Variants in PLPPR1 observed in about 807,000 individuals in gnomAD.
PLPPR1 encodes the protein phospholipid phosphatase related 1.
PLPPR1 carries 10 observed loss-of-function variants against 33.1 expected under a neutral mutation model. The observed-to-expected ratio is 0.30, with a 90% CI of 0.19 to 0.51. The LOEUF (loss-of-function observed/expected upper bound fraction) is 0.51. Ranked by LOEUF, PLPPR1 falls within the 20% of genes least tolerant of loss-of-function variation. The probability of loss-of-function intolerance (pLI) is 0.97; values close to 1 mark genes in which losing one functional copy is unlikely to be tolerated. For synonymous variants in PLPPR1, 151 were observed against 151.0 expected (o/e 1.00, Z 0.00); for missense variants, 304 against 408.1 (o/e 0.74, Z 2.20).
intron 2 of PLPPR1, among the ~76,000 whole-genome samples, chr9:101,238,198 CCCTATATATAT>C (rs1388418621): frequency 1.5e-5 from 2 of 133,054 alleles, no homozygotes; most frequent in African/African-American, 5.5e-5. Flanking sequence ...TATATATATA[CCCTATATATAT>C]ACCTATATAT....
chr9:101,051,499 G>T (rs1220587862), intron 1 of PLPPR1, among the ~76,000 whole-genome samples: 1 of 152,078 alleles, frequency 6.6e-6, no homozygotes, highest in Non-Finnish European at 1.5e-5. Context: ...CCACTAGCAT[G>T]CCCCACATAT....
chr9:101,039,066 A>G (rs1358421225), intron 1 of PLPPR1, among the ~76,000 whole-genome samples: 8 of 152,188 alleles, frequency 5.3e-5, no homozygotes, highest in Non-Finnish European at 1.5e-5. Flanking sequence ...GCTAATTTTA[A>G]TCAAGTCATG....
intron 1 of PLPPR1, chr9:101,184,914 G>A (rs10121939): frequency 6.6e-6 from 1 of 151,872 alleles, no homozygotes; most frequent in Non-Finnish European, 1.5e-5. Context: ...TTAACCTGAA[G>A]TTGTTCATGG....
At chr9:101,162,125 T>G (rs1831785159) in intron 1 of PLPPR1, among the ~76,000 whole-genome samples, 1 of 151,454 alleles carries the variant, frequency 6.6e-6, no homozygotes, top group African/African-American at 2.4e-5. Flanking sequence ...AAAAAGATAA[T>G]ATTATTTTTA....
intron 1 of PLPPR1, among the ~76,000 whole-genome samples, chr9:101,127,368 T>G (rs1267744503): frequency 6.6e-6 from 1 of 152,200 alleles, no homozygotes; most frequent in Non-Finnish European, 1.5e-5. Context: ...AGAAGTAAAG[T>G]GGGACCAGGG....
At chr9:101,200,913 C>T (rs980012293) in intron 2 of PLPPR1, among the ~76,000 whole-genome samples, 3 of 152,122 alleles carry the variant, frequency 2.0e-5, no homozygotes, top group Non-Finnish European at 4.4e-5. Context: ...TTATTAGACC[C>T]AATTTCCCAA....
At chr9:101,108,134 A>AGACC (rs1438976578) in intron 1 of PLPPR1, among the ~76,000 whole-genome samples, 2 of 146,832 alleles carry the variant, frequency 1.4e-5, no homozygotes, top group African/African-American at 5.3e-5. Context: ...TGGGAGCTGT[A>AGACC]GACCGGAGCT....
rs573332323 is a variant in PLPPR1 at position 101,125,700 on chromosome 9, C to A, written c.-45-59750C>A. The A allele has an allele frequency of 1.1e-5, 7 of 623,462 alleles. No homozygotes were observed. The East Asian group carries it at 1.2e-4, about 11-fold the overall frequency. The allele number at this position is 623,462 out of a possible 1,614,324, so 38.6% of individuals were successfully genotyped here. ...ACAATGACCATTGTAACATTACAGG[C>A]CCCATAAAGAACATAACCAATATTT... On this transcript the variant is annotated intron_variant, in intron 1 of 7. Coordinates refer to ENST00000374874, the MANE Select transcript of PLPPR1 (RefSeq NM_207299.2).
chr9:101,166,648 C>T (rs143012008), intron 1 of PLPPR1, among the ~76,000 whole-genome samples: 3 of 152,242 alleles, frequency 2.0e-5, no homozygotes, highest in African/African-American at 7.2e-5. Context: ...CAAAAATTAA[C>T]TCCAGAAATA....
At chr9:101,145,860 A>G (rs1256961451) in intron 1 of PLPPR1, among the ~76,000 whole-genome samples, 1 of 97,508 alleles carries the variant, frequency 1.0e-5, no homozygotes, top group Non-Finnish European at 2.4e-5. Flanking sequence ...AAAAAAAAAA[A>G]ATGAAAATAG....
At chr9:101,131,631 A>T (rs1340526786) in intron 1 of PLPPR1, 2 of 152,222 alleles carry the variant, frequency 1.3e-5, no homozygotes, top group Admixed American at 6.5e-5. Flanking sequence ...CTACATGCGG[A>T]TATGGAAGGT....
chr9:101,249,982 G>A lies in PLPPR1; in HGVS notation c.64-19898G>A, dbSNP rs893148238. On this transcript the variant is annotated intron_variant, in intron 2 of 7. Coordinates refer to ENST00000374874, the MANE Select transcript of PLPPR1 (RefSeq NM_207299.2). ...CCAGTACAGTAGTAGGGGTTCAACCGATATTTTTTGCAATAAGAATTAAAT... is the reference window on the plus strand; with the variant it reads ...CCAGTACAGTAGTAGGGGTTCAACCAATATTTTTTGCAATAAGAATTAAAT... Among the ~76,000 whole-genome samples, 8 of 151,970 alleles carry A rather than the reference G, an allele frequency of 5.3e-5. No homozygotes were observed. In the South Asian group the frequency reaches 1.0e-3, roughly 20 times the overall value.
chr9:101,154,820 A>G (rs4333671), intron 1 of PLPPR1, among the ~76,000 whole-genome samples: 1 of 151,630 alleles, frequency 6.6e-6, no homozygotes. Context: ...AGGAACATGG[A>G]TGAAGCTGGA....
intron 2 of PLPPR1, among the ~76,000 whole-genome samples, chr9:101,238,058 A>G (rs1180622601): frequency 7.4e-6 from 1 of 135,962 alleles, no homozygotes; most frequent in Middle Eastern, 0.011. Flanking sequence ...TATATAGCCT[A>G]TATATACGTG....
At chr9:101,074,100 T>C (rs1830510373) in intron 1 of PLPPR1, among the ~76,000 whole-genome samples, 4 of 152,170 alleles carry the variant, frequency 2.6e-5, no homozygotes, top group African/African-American at 9.7e-5. Flanking sequence ...GTTTCAATTC[T>C]GAATTCAATT....
At chr9:101,315,466 GGAT>G (rs1205813865) in intron 6 of PLPPR1, among the ~76,000 whole-genome samples, 8 of 152,184 alleles carry the variant, frequency 5.3e-5, no homozygotes, top group Non-Finnish European at 1.2e-4. Context: ...GGTCTTTGTG[GGAT>G]GATATTGGGG....
intron 1 of PLPPR1, among the ~76,000 whole-genome samples, chr9:101,045,069 A>G (rs955522347): frequency 6.6e-6 from 1 of 152,170 alleles, no homozygotes; most frequent in Non-Finnish European, 1.5e-5. Context: ...AGCTGATCCA[A>G]AAGGAATCAG....
intron 1 of PLPPR1, among the ~76,000 whole-genome samples, 158 bp downstream of exon 1, chr9:101,029,260 A>C (rs1438523752): frequency 6.6e-6 from 1 of 152,220 alleles, no homozygotes; most frequent in African/African-American, 2.4e-5. Context: ...GGGGCTGTGC[A>C]GAGGAGAGGA....
intron 2 of PLPPR1, among the ~76,000 whole-genome samples, chr9:101,221,768 C>T (rs997456876): frequency 1.3e-5 from 2 of 151,944 alleles, no homozygotes; most frequent in African/African-American, 4.8e-5. Flanking sequence ...TTTTTGTCTC[C>T]AAAAGTGAAT....
Sources: gnomAD v4.1 joint callset for allele counts (sites outside exome capture counted in the v4.1 genomes callset) on GRCh38, gnomAD v4.1.1 for gene constraint, MANE v1.5 for transcripts, NCBI Gene and HGNC (gene_info 2026-07-23, HGNC 2026-07-21) for gene names.